ARFGEF1: variants seen among roughly 807,000 people sequenced by gnomAD.
ARFGEF1 encodes ARF guanine nucleotide exchange factor 1, also known as brefeldin A-inhibited guanine nucleotide-exchange protein 1.
Under a neutral mutation model 231.0 loss-of-function variants are expected in ARFGEF1, and 42 were observed. That is an observed-to-expected ratio of 0.18 (90% CI 0.14 to 0.24). ARFGEF1 has a LOEUF of 0.24. ARFGEF1 is among the 10% of genes least tolerant of loss of function. ARFGEF1 has a pLI of 1.00. For synonymous variants in ARFGEF1, 710 were observed against 732.3 expected, an observed-to-expected ratio of 0.97 and a Z score of 0.49; for missense variants, 1,345 against 2,192.0, an observed-to-expected ratio of 0.61 and a Z score of 7.72.
chr8:67,179,832 A>T, intron 5 of ARFGEF1: 1 of 1,484,738 alleles, frequency 6.7e-7, no homozygotes, highest in Non-Finnish European at 9.4e-7. Flanking sequence ...CAAAACTAAT[A>T]AAAATAGTCA....
chr8:67,292,465 A>G (rs1180159976), intron 5 of ARFGEF1, among the ~76,000 whole-genome samples: 1 of 152,154 alleles, frequency 6.6e-6, no homozygotes, highest in East Asian at 1.9e-4. Context: ...AGTACTAACA[A>G]TTACCTATAG....
chr8:67,257,846 C>T, intron 16 of ARFGEF1, 30 bp from the exon 17 acceptor site: 1 of 1,545,650 alleles, frequency 6.5e-7, no homozygotes. Flanking sequence ...ATGTTATAAA[C>T]TTCTACTGTT....
intron 34 of ARFGEF1, among the ~76,000 whole-genome samples, chr8:67,209,286 C>G (rs1838635989): frequency 2.6e-5 from 4 of 152,162 alleles, no homozygotes; most frequent in Admixed American, 2.6e-4. Context: ...TATGCTACAA[C>G]ATGATGCGTC....
At chr8:67,299,415 T>C in intron 3 of ARFGEF1, 60 bp from the exon 4 acceptor site, 1 of 1,404,596 alleles carries the variant, frequency 7.1e-7, no homozygotes, top group Non-Finnish European at 9.7e-7. Context: ...TACATACTAA[T>C]GCAATATACA....
intron 22 of ARFGEF1, among the ~76,000 whole-genome samples, chr8:67,237,820 T>G (rs1444780893): frequency 6.6e-6 from 1 of 152,170 alleles, no homozygotes; most frequent in African/African-American, 2.4e-5. Context: ...CTGGTGGAAC[T>G]CCTTCCATTT....
chr8:67,283,097 T>C (rs1805606115), intron 7 of ARFGEF1, among the ~76,000 whole-genome samples: 2 of 152,126 alleles, frequency 1.3e-5, no homozygotes, highest in Admixed American at 6.5e-5. Flanking sequence ...ATGTTTGACC[T>C]ATAAAAATAA....
At position 67,198,957 on chromosome 8, in the gene ARFGEF1, C is replaced by A; in HGVS notation, c.5527G>T (p.Glu1843Ter). 6.2e-7 allele frequency: 1 copy of A among 1,613,348 alleles called. No homozygotes were observed. Among genetic ancestry groups the A allele is most frequent in the Non-Finnish European group, 8.5e-7 (1 of 1,179,736 alleles). Reference sequence around the variant, plus strand: ...CATCATTGCTTGTTTATTCCAAGTTCCTGTTCAGGTGGTTGTGATATCTGA... The same window carrying A: ...CATCATTGCTTGTTTATTCCAAGTTACTGTTCAGGTGGTTGTGATATCTGA... ...VFQISQPPEQ[E>*]LGINKQ Residue 1843 changes from glutamate to a stop codon, truncating the protein, a stop_gained, in exon 39 of 39, where the codon GAA (glutamate) becomes TAA (stop). Coordinates refer to ENST00000262215, the MANE Select transcript of ARFGEF1 (RefSeq NM_006421.5). LOFTEE classifies it high-confidence loss of function.
At position 67,217,876 on chromosome 8, in the gene ARFGEF1, C is replaced by T. The variant is rs745909815; in HGVS notation, c.4519G>A (p.Val1507Ile). 1 of 1,614,030 alleles carries T rather than the reference C, an allele frequency of 6.2e-7. No homozygotes were observed. The highest frequency in any genetic ancestry group is 8.5e-7 in the Non-Finnish European group (1 of 1,179,974). The change falls in exon 32 of 39, where the codon GTT becomes ATT. Residue 1507 changes from valine to isoleucine, a missense_variant. Physicochemically the swap from Val to Ile is conservative, Grantham distance 29 (BLOSUM62 3). Around this residue, in one of 14 missense-constraint regions of ARFGEF1, gnomAD observed 54 missense variants for 86.5 expected, o/e 0.62. Transcript: ENST00000262215. ...ARSGTNCLEN[V>I]VILNGEKFTL... ...AATTTTTCACCATTCAGAATAACAA[C>T]ATTCTCTAAACAGTTTGTACCAGAT...
chr8:67,315,472 A>AC (rs1257128285), intron 1 of ARFGEF1, among the ~76,000 whole-genome samples: 1 of 152,226 alleles, frequency 6.6e-6, no homozygotes, highest in Non-Finnish European at 1.5e-5. Context: ...TGGAACATTC[A>AC]CCAAGACAGT....
intron 5 of ARFGEF1, among the ~76,000 whole-genome samples, chr8:67,293,249 T>A (rs1217793583): frequency 6.6e-6 from 1 of 152,146 alleles, no homozygotes; most frequent in East Asian, 1.9e-4. Flanking sequence ...ATAATTCAGT[T>A]CTGCAGTTGT....
At chr8:67,225,713 C>G (rs1308737511) in intron 28 of ARFGEF1, among the ~76,000 whole-genome samples, 1 of 152,082 alleles carries the variant, frequency 6.6e-6, no homozygotes, top group Non-Finnish European at 1.5e-5. Flanking sequence ...ACTATGGGCA[C>G]ATTTTAAAAT....
chr8:67,292,045 C>G lies in ARFGEF1; in HGVS notation c.718G>C (p.Glu240Gln), dbSNP rs776681380. ...TATCTAAGTTGAGGTGATTCAGGCT[C>G]GTGATGGCTTACTGGAGACTGTAAC... ...HLLQSPVSHH[E>Q]PESPQLRYLP... Residue 240 changes from glutamate to glutamine, a missense_variant, in exon 6 of 39, where the codon GAG becomes CAG. This residue lies in a region of ARFGEF1 where 398 missense variants were observed against 463.2 expected (regional missense o/e 0.86). Transcript: ENST00000262215. The G allele has an allele frequency of 2.5e-6, 4 of 1,613,916 alleles. No homozygotes were observed. In the East Asian group the frequency reaches 8.9e-5, roughly 36 times the overall value.
At chr8:67,234,730 GATCTA>G (rs1456270915) in intron 22 of ARFGEF1, among the ~76,000 whole-genome samples, 2 of 152,074 alleles carry the variant, frequency 1.3e-5, no homozygotes, top group African/African-American at 4.8e-5. Flanking sequence ...AGATTGATAT[GATCTA>G]ATCTATTTTC....
intron 25 of ARFGEF1, among the ~76,000 whole-genome samples, 166 bp downstream of exon 25, chr8:67,227,797 G>A (rs1839425821): frequency 6.6e-6 from 1 of 151,790 alleles, no homozygotes; most frequent in African/African-American, 2.4e-5. Flanking sequence ...AAAGCCCAGA[G>A]CAATCATTTC....
intron 25 of ARFGEF1, 63 bp from the exon 26 acceptor site, chr8:67,227,661 T>C: frequency 6.5e-7 from 1 of 1,544,536 alleles, no homozygotes; most frequent in South Asian, 1.2e-5. Flanking sequence ...TACAATTCTT[T>C]ATTTTTTGTT....
At chr8:67,203,430 C>T (rs1838402377) in intron 35 of ARFGEF1, among the ~76,000 whole-genome samples, 179 bp from the exon 36 acceptor site, 1 of 152,174 alleles carries the variant, frequency 6.6e-6, no homozygotes, top group Non-Finnish European at 1.5e-5. Context: ...CCCCAAGCAC[C>T]ACCTCCCATT....
intron 1 of ARFGEF1, among the ~76,000 whole-genome samples, chr8:67,317,186 G>C (rs1220555635): frequency 1.3e-5 from 2 of 152,114 alleles, no homozygotes; most frequent in South Asian, 2.1e-4. Context: ...CTCTTCTTTT[G>C]AATCATCCTA....
At chr8:67,312,043 G>C (rs1807093028) in intron 1 of ARFGEF1, among the ~76,000 whole-genome samples, 2 of 151,984 alleles carry the variant, frequency 1.3e-5, no homozygotes. Context: ...AAGGCAGCAT[G>C]CTCGGTAAGA....
intron 22 of ARFGEF1, among the ~76,000 whole-genome samples, chr8:67,236,349 T>TAAAAAAAAAAA (rs1554638965): frequency 1.4e-4 from 2 of 13,958 alleles, no homozygotes; most frequent in African/African-American, 2.4e-4. Flanking sequence ...AGATATTAGT[T>TAAAAAAAAAAA]AAAAAAAAAA....
Sources: gnomAD v4.1 joint callset for allele counts (sites outside exome capture counted in the v4.1 genomes callset) on GRCh38, gnomAD v4.1.1 for gene constraint, gnomAD v4.1.1 regional missense constraint, MANE v1.5 for transcripts, NCBI Gene and HGNC (gene_info 2026-07-23, HGNC 2026-07-21) for gene names.